Variants in IL37 observed in about 807,000 individuals in gnomAD.
IL37 encodes the protein interleukin 37, also known as interleukin-37.
In IL37, 15 loss-of-function variants were observed where a neutral mutation model predicts 15.4. The observed-to-expected ratio is 0.98, with a 90% CI of 0.65 to 1.50. The LOEUF (loss-of-function observed/expected upper bound fraction) is 1.50. IL37 is among the 40% of genes most tolerant of loss of function. The pLI is 0.00. For synonymous variants in IL37, 98 were observed against 97.4 expected, an observed-to-expected ratio of 1.01 and a Z score of -0.03; for missense variants, 269 against 261.7, an observed-to-expected ratio of 1.03 and a Z score of -0.19.
intron 4 of IL37, 97 bp downstream of exon 4, chr2:112,917,345 T>C: frequency 7.2e-7 from 1 of 1,397,890 alleles, no homozygotes; most frequent in South Asian, 1.3e-5. Flanking sequence ...ATGCCCCATC[T>C]CCAGCAGGTG....
Position 112,917,618 on chromosome 2 carries a change from T to G in IL37, c.266-17T>G. ...CTGCTCTCAGAACCCACACATGTTC[T>G]GACTGTCTTTTTCCAGAGATCTTCT... On this transcript the variant is annotated splice_polypyrimidine_tract_variant and intron_variant, in intron 4 of 5. Coordinates refer to ENST00000263326, the MANE Select transcript of IL37 (RefSeq NM_014439.4). 1.9e-6 allele frequency: 3 copies of G among 1,551,320 alleles called. No homozygotes were observed. Among genetic ancestry groups the G allele is most frequent in the Non-Finnish European group, 2.6e-6 (3 of 1,151,316 alleles).
chr2:112,917,510 T>C (rs929678636), intron 4 of IL37, 125 bp from the exon 5 acceptor site: 1 of 1,016,948 alleles, frequency 9.8e-7, no homozygotes, highest in African/African-American at 1.6e-5. Context: ...ACCAGTGTGA[T>C]GGAGGGAGAA....
Position 112,912,438 on chromosome 2 carries a change from G to A in IL37, c.-50-525G>A, listed in dbSNP as rs547780879. On this transcript the variant is annotated intron_variant, in intron 1 of 5. Transcript: ENST00000263326. ...GTTGCAGAGCAACTGCTTTTTGTTA[G>A]GCAAAGATTAGGCTACTGCAGAGAC... Among the ~76,000 whole-genome samples, 6 of 152,266 alleles carry A rather than the reference G, an allele frequency of 3.9e-5. No homozygotes were observed. In the South Asian group the frequency reaches 1.2e-3, roughly 32 times the overall value.
At chr2:112,917,850 CG>C in intron 5 of IL37, 73 bp downstream of exon 5, 1 of 1,487,846 alleles carries the variant, frequency 6.7e-7, no homozygotes, top group Non-Finnish European at 9.3e-7. Flanking sequence ...CAATGCCTCT[CG>C]CTTTCCTGCA....
In IL37 at chr2:112,911,245, C is replaced by T. The variant is rs1032988977; in HGVS notation, c.-54C>T. Among the ~76,000 whole-genome samples the T allele has an allele frequency of 6.6e-6, 1 of 152,196 alleles. No individual in the cohort carries two copies. The highest frequency in any genetic ancestry group is 1.5e-5 in the Non-Finnish European group (1 of 68,046). On this transcript the variant is annotated 5_prime_UTR_variant, in exon 1 of 6. Transcript: ENST00000263326. ...GCCACAGACCACGAGGATCCCTGGC[C>T]CAGGTAGGTGGTCCTCCTGCACTGG...
intron 3 of IL37, chr2:112,915,160 T>C (rs1479885564): frequency 1.3e-6 from 2 of 1,598,688 alleles, no homozygotes; most frequent in South Asian, 2.2e-5. Flanking sequence ...AAGAGGATAG[T>C]GAACTAGTCT....
In IL37 at chr2:112,917,701, T is replaced by A. The variant is rs781317163; in HGVS notation, c.332T>A (p.Leu111Gln). The stretch of plus-strand genomic sequence containing the variant: ...GCGGAGAAAGGAAGTCCGATTCTCC[T>A]GGGGGTCTCTAAAGGGGAGTTTTGT... ...ASAEKGSPIL[L>Q]GVSKGEFCLY... The change falls in exon 5 of 6, where the codon CTG becomes CAG. Residue 111 changes from leucine to glutamine, a missense_variant. Transcript: ENST00000263326. 1.9e-6 allele frequency: 3 copies of A among 1,613,450 alleles called. No individual in the cohort carries two copies. The highest frequency in any genetic ancestry group is 1.3e-5 in the African/African-American group (1 of 75,010).
intron 3 of IL37, 124 bp from the exon 4 acceptor site, chr2:112,917,005 G>T (rs1356901377): frequency 1.2e-5 from 12 of 1,041,208 alleles, no homozygotes; most frequent in Middle Eastern, 2.4e-4. Flanking sequence ...ATATTCAGTG[G>T]CTGTGATGTC....
intron 3 of IL37, among the ~76,000 whole-genome samples, chr2:112,914,159 C>T (rs1345632854): frequency 6.6e-6 from 1 of 152,098 alleles, no homozygotes; most frequent in East Asian, 1.9e-4. Flanking sequence ...AGACACAGAC[C>T]TCCTCCCAGC....
chr2:112,914,895 C>T (rs771977691), intron 3 of IL37, among the ~76,000 whole-genome samples: 1 of 152,222 alleles, frequency 6.6e-6, no homozygotes, highest in African/African-American at 2.4e-5. Context: ...GCCTCAGAAA[C>T]TCAGGGCGCT....
intron 5 of IL37, 68 bp downstream of exon 5, chr2:112,917,845 C>A: frequency 6.6e-7 from 1 of 1,518,640 alleles, no homozygotes; most frequent in Non-Finnish European, 9.1e-7. Context: ...ATCCTCAATG[C>A]CTCTCGCTTT....
chr2:112,917,113 G>A lies in IL37; in HGVS notation c.146-16G>A, dbSNP rs781066050. The stretch of plus-strand genomic sequence containing the variant: ...TTTTCAATGTGAAGTGTTGATATCT[G>A]GTGATATTGATCTAGGTCCAAAGGT... On this transcript the variant is annotated splice_polypyrimidine_tract_variant and intron_variant, in intron 3 of 5. Transcript: ENST00000263326. The A allele has an allele frequency of 2.5e-6, 4 of 1,613,312 alleles. No homozygotes were observed. Among genetic ancestry groups the A allele is most frequent in the Admixed American group, 3.3e-5 (2 of 59,956 alleles).
rs1558801106 is a variant in IL37, at chr2:112,913,832, C to T, written c.123C>T (p.Pro41=). Residue 41 remains proline (P), a synonymous_variant, in exon 3 of 6, where the codon CCC becomes CCT. Transcript: ENST00000263326. The stretch of plus-strand genomic sequence containing the variant: ...CCCTGGAACCAGGCCCAAGCCTCCC[C>T]ACCATGAATTTTGTTCACACAAGTA... The part of the protein sequence containing the change: ...GSPLEPGPSL[P]TMNFVHTSPK... 10 of 1,613,734 alleles carry T rather than the reference C, an allele frequency of 6.2e-6. No individual in the cohort carries two copies. The East Asian group carries it at 6.7e-5, about 11-fold the overall frequency.
At chr2:112,913,485 G>A (rs1355010488) in intron 2 of IL37, among the ~76,000 whole-genome samples, 1 of 152,182 alleles carries the variant, frequency 6.6e-6, no homozygotes, top group East Asian at 1.9e-4. Context: ...GGGCATCTGA[G>A]TATTCCATGA....
intron 1 of IL37, among the ~76,000 whole-genome samples, chr2:112,912,021 C>T (rs1302957095): frequency 6.6e-6 from 1 of 152,198 alleles, no homozygotes; most frequent in Non-Finnish European, 1.5e-5. Flanking sequence ...TTGTTGAGTC[C>T]TGAAGCCCTT....
At position 112,917,120 on chromosome 2, in the gene IL37, T is replaced by C. The variant is rs1382563885; in HGVS notation, c.146-9T>C. ...TGTGAAGTGTTGATATCTGGTGATA[T>C]TGATCTAGGTCCAAAGGTGAAGAAC... On this transcript the variant is annotated splice_polypyrimidine_tract_variant and intron_variant, in intron 3 of 5. Coordinates refer to ENST00000263326, the MANE Select transcript of IL37 (RefSeq NM_014439.4). 2 of 1,613,496 alleles carry C rather than the reference T, an allele frequency of 1.2e-6. No homozygotes were observed. The highest frequency in any genetic ancestry group is 1.7e-6 in the Non-Finnish European group (2 of 1,179,690).
At chr2:112,911,905 A>T (rs1244618674) in intron 1 of IL37, among the ~76,000 whole-genome samples, 2 of 152,224 alleles carry the variant, frequency 1.3e-5, no homozygotes, top group East Asian at 3.9e-4. Context: ...TGCTTCATGT[A>T]TTCAGGGATA....
At chr2:112,913,735 C>T (rs1374037264) in intron 2 of IL37, 57 bp from the exon 3 acceptor site, 2 of 1,407,690 alleles carry the variant, frequency 1.4e-6, no homozygotes, top group Non-Finnish European at 2.0e-6. Flanking sequence ...CTTTGATACC[C>T]CTAAATCCTT....
chr2:112,917,294 G>C (rs568953517), intron 4 of IL37, 46 bp downstream of exon 4: 3 of 1,604,038 alleles, frequency 1.9e-6, no homozygotes, highest in Non-Finnish European at 2.6e-6. Context: ...CCTAGCAGGG[G>C]TAAGGCCTCC....
Sources: allele counts gnomAD v4.1 joint callset (sites outside exome capture counted in the v4.1 genomes callset), GRCh38; gene constraint gnomAD v4.1.1; transcripts MANE v1.5; gene names NCBI Gene and HGNC (gene_info 2026-07-23, HGNC 2026-07-21).